Variants in CEP112 observed in about 807,000 individuals in gnomAD.
The protein encoded by CEP112 is centrosomal protein 112.
CEP112 carries 127 observed loss-of-function variants against 153.0 expected under a neutral mutation model. The ratio of observed to expected loss-of-function variants is 0.83; its 90% CI spans 0.72 to 0.96. CEP112 has a LOEUF of 0.96. Ranked by LOEUF, CEP112 falls within the 40% of genes least tolerant of loss-of-function variation. The probability of loss-of-function intolerance (pLI) is 0.00; values close to 1 mark genes in which losing one functional copy is unlikely to be tolerated. For synonymous variants in CEP112, 358 were observed against 374.4 expected (o/e 0.96, Z 0.51); for missense variants, 1,089 against 1,101.2 (o/e 0.99, Z 0.16).
intron 17 of CEP112, among the ~76,000 whole-genome samples, chr17:65,987,365 A>G (rs1318143631): frequency 6.6e-6 from 1 of 152,186 alleles, no homozygotes; most frequent in Non-Finnish European, 1.5e-5. Flanking sequence ...TACTCAGAGG[A>G]CAAAAACAAC....
At chr17:65,765,343 G>C (rs1170447600) in intron 21 of CEP112, among the ~76,000 whole-genome samples, 1 of 151,698 alleles carries the variant, frequency 6.6e-6, no homozygotes, top group Admixed American at 6.6e-5. Flanking sequence ...TTCTTTGGTG[G>C]TGTCATATTT....
rs147281494 is a variant in CEP112 at position 65,725,440 on chromosome 17, C to T, written c.2607+17628G>A. ...TCAAGTGATTCTCCTATCTCAGCCT[C>T]CTGAGTAGCTGAGATTACAGGTGCG... On this transcript the variant is annotated intron_variant, in intron 23 of 26. Transcript: ENST00000535342. Among the ~76,000 whole-genome samples the T allele has an allele frequency of 5.9e-3, 894 of 152,208 alleles. 11 individuals are homozygous for T. The highest frequency in any genetic ancestry group is 0.02 in the African/African-American group (844 of 41,534).
intron 6 of CEP112, among the ~76,000 whole-genome samples, chr17:66,103,456 T>G (rs1323215588): frequency 6.6e-6 from 1 of 152,158 alleles, no homozygotes; most frequent in Non-Finnish European, 1.5e-5. Context: ...CCTACTTACA[T>G]AGAACTCTAT....
intron 6 of CEP112, among the ~76,000 whole-genome samples, chr17:66,106,349 TCAA>T (rs1016854492): frequency 6.6e-6 from 1 of 150,626 alleles, no homozygotes; most frequent in African/African-American, 2.4e-5. Context: ...ACACAAAAAA[TCAA>T]CAAAACAAAA....
At chr17:65,931,955 A>G (rs1258262781) in intron 18 of CEP112, among the ~76,000 whole-genome samples, 1 of 152,160 alleles carries the variant, frequency 6.6e-6, no homozygotes, top group Non-Finnish European at 1.5e-5. Context: ...CCTTGACAGC[A>G]TTGGAGTCTG....
At chr17:65,921,774 C>A (rs1377220949) in intron 19 of CEP112, among the ~76,000 whole-genome samples, 1 of 152,036 alleles carries the variant, frequency 6.6e-6, no homozygotes, top group Non-Finnish European at 1.5e-5. Context: ...TTATCGGTAT[C>A]CCTTATTGTG....
chr17:66,078,665 GT>G (rs552164656), intron 8 of CEP112, among the ~76,000 whole-genome samples: 2 of 151,822 alleles, frequency 1.3e-5, no homozygotes, highest in East Asian at 3.9e-4. Context: ...CATACTTTGG[GT>G]TTTTTTTAAT....
chr17:65,985,766 G>A (rs1009953391), intron 17 of CEP112, among the ~76,000 whole-genome samples: 3 of 151,704 alleles, frequency 2.0e-5, no homozygotes, highest in Middle Eastern at 3.2e-3. Flanking sequence ...TGCTCAGGAG[G>A]TCATACAGCT....
At chr17:65,968,658 T>C (rs2062504310) in intron 17 of CEP112, among the ~76,000 whole-genome samples, 2 of 152,208 alleles carry the variant, frequency 1.3e-5, no homozygotes, top group Non-Finnish European at 2.9e-5. Context: ...GCAGTTCACA[T>C]ATTATTTGAC....
At chr17:65,947,170 C>T (rs1411162767) in intron 18 of CEP112, among the ~76,000 whole-genome samples, 1 of 152,072 alleles carries the variant, frequency 6.6e-6, no homozygotes, top group Non-Finnish European at 1.5e-5. Context: ...ATGTGCATAA[C>T]TCATTGGGCT....
intron 4 of CEP112, among the ~76,000 whole-genome samples, chr17:66,160,759 C>T (rs760680327): frequency 1.3e-5 from 2 of 152,084 alleles, no homozygotes; most frequent in East Asian, 3.9e-4. Context: ...TAGGCAATAT[C>T]ATTCAGGACA....
chr17:65,986,486 A>G (rs934855226), intron 17 of CEP112, among the ~76,000 whole-genome samples: 1 of 152,182 alleles, frequency 6.6e-6, no homozygotes, highest in Non-Finnish European at 1.5e-5. Flanking sequence ...TTTTTCTAAC[A>G]TCTACTAGTG....
chr17:65,920,654 G>A (rs1377439062), intron 19 of CEP112, among the ~76,000 whole-genome samples: 4 of 151,454 alleles, frequency 2.6e-5, no homozygotes, highest in Admixed American at 2.6e-4. Flanking sequence ...CATAGTTCCA[G>A]ACCTTTCTAC....
At chr17:66,093,872 T>A (rs2068236063) in intron 8 of CEP112, among the ~76,000 whole-genome samples, 1 of 151,986 alleles carries the variant, frequency 6.6e-6, no homozygotes, top group Non-Finnish European at 1.5e-5. Flanking sequence ...TCCAAGGCAA[T>A]TTTGAGCAAA....
intron 21 of CEP112, among the ~76,000 whole-genome samples, chr17:65,793,055 G>A: frequency 6.6e-6 from 1 of 152,086 alleles, no homozygotes; most frequent in East Asian, 1.9e-4. Flanking sequence ...CTGGTGGGGG[G>A]CGAGGGAGGG....
At chr17:65,790,674 G>T (rs2054541217) in intron 21 of CEP112, among the ~76,000 whole-genome samples, 1 of 152,194 alleles carries the variant, frequency 6.6e-6, no homozygotes, top group African/African-American at 2.4e-5. Flanking sequence ...TTTTCTGAAA[G>T]CTCTGCTTGC....
chr17:66,145,194 T>G (rs755582463), intron 4 of CEP112, among the ~76,000 whole-genome samples: 9 of 152,200 alleles, frequency 5.9e-5, no homozygotes, highest in Non-Finnish European at 1.2e-4. Context: ...TTACATATTT[T>G]CTCTTGTGAA....
chr17:66,055,584 G>A (rs1479559910), intron 11 of CEP112, among the ~76,000 whole-genome samples: 2 of 152,062 alleles, frequency 1.3e-5, no homozygotes, highest in Non-Finnish European at 2.9e-5. Flanking sequence ...TGATGTAGTG[G>A]TTTCCTCATG....
chr17:65,750,899 C>CAAAAA, intron 21 of CEP112, 175 bp from the exon 22 acceptor site: 1 of 347,764 alleles, frequency 2.9e-6, no homozygotes, highest in Non-Finnish European at 5.0e-6. Context: ...ACTTAAAAAG[C>CAAAAA]AAAAAAAAAA....
Sources: gnomAD v4.1 joint callset for allele counts (sites outside exome capture counted in the v4.1 genomes callset) on GRCh38, gnomAD v4.1.1 for gene constraint, MANE v1.5 for transcripts, NCBI Gene and HGNC (gene_info 2026-07-23, HGNC 2026-07-21) for gene names.